SHC1: variants seen among roughly 807,000 people sequenced by gnomAD.
SHC1 encodes the protein SHC-transforming protein 1.
Under a neutral mutation model 55.9 loss-of-function variants are expected in SHC1, and 30 were observed. The ratio of observed to expected loss-of-function variants is 0.54; its 90% CI spans 0.40 to 0.73. The LOEUF is 0.73. Ranked by LOEUF, SHC1 falls within the 30% of genes least tolerant of loss-of-function variation. SHC1 has a pLI of 0.00. For synonymous variants in SHC1, 309 were observed against 306.1 expected, an observed-to-expected ratio of 1.01 and a Z score of -0.10; for missense variants, 675 against 777.1, an observed-to-expected ratio of 0.87 and a Z score of 1.56.
rs149332466 is a variant in SHC1 at position 154,965,717 on chromosome 1, G to A, written c.1452C>T (p.Leu484=). Residue 484 remains leucine (L), a synonymous_variant, in exon 11 of 12, where the codon CTC becomes CTT. Transcript: ENST00000448116. ...TCCCATGGAACCAGGGCTCCCCTCGGAGCTGCTCAGCCATGGACACCGACT... is the reference window on the plus strand; with the variant it reads ...TCCCATGGAACCAGGGCTCCCCTCGAAGCTGCTCAGCCATGGACACCGACT... ...PPQSVSMAEQ[L]RGEPWFHGKL... The A allele has an allele frequency of 7.8e-5, 126 of 1,614,156 alleles. No homozygotes were observed. In the African/African-American group the frequency reaches 1.4e-3, roughly 18 times the overall value.
upstream of SHC1, among the ~76,000 whole-genome samples, chr1:154,973,099 G>A (rs1656899458): frequency 6.6e-6 from 1 of 152,108 alleles, no homozygotes; most frequent in Non-Finnish European, 1.5e-5. Flanking sequence ...GGTTGGTCCT[G>A]GGAAGGGAAA....
intron 10 of SHC1, 31 bp from the exon 11 acceptor site, chr1:154,965,812 TAGC>T (rs1381282524): frequency 6.3e-7 from 1 of 1,591,124 alleles, no homozygotes; most frequent in Non-Finnish European, 8.6e-7. Flanking sequence ...TGAGGGGAAG[TAGC>T]AGGCACAACA....
At chr1:154,971,775 C>T (rs904144047), upstream of SHC1, among the ~76,000 whole-genome samples, 1 of 152,064 alleles carries the variant, frequency 6.6e-6, no homozygotes, top group Non-Finnish European at 1.5e-5. Context: ...GACACATCTG[C>T]GTCAATAAGG....
chr1:154,966,420 C>T lies in SHC1; in HGVS notation c.1081G>A (p.Gly361Arg), dbSNP rs762287963. The T allele has an allele frequency of 1.2e-5, 20 of 1,613,522 alleles. No homozygotes were observed. Among genetic ancestry groups the T allele is most frequent in the Non-Finnish European group, 1.6e-5 (19 of 1,179,576 alleles). The change falls in exon 8 of 12, where the codon GGG becomes AGG. Residue 361 changes from glycine to arginine, a missense_variant. By Grantham distance (125) the Gly-to-Arg change is moderately radical. Transcript: ENST00000448116. ...CGAAGCCTCATGTCTACCACCCCCC[C>T]CAAGGGGGGTTCCTTCCCCGGGAAG... is the stretch of plus-strand genomic sequence containing the variant. ...NDFPGKEPPL[G>R]GVVDMRLREG...
Position 154,963,780 on chromosome 1 carries a change from C to G in SHC1, c.*23G>C. ...GGTGGAAAGGATTGGAGGGCATCTTCTGGAAGAGAGCGCTAGGGCAGATCA... is the reference window on the plus strand; with the variant it reads ...GGTGGAAAGGATTGGAGGGCATCTTGTGGAAGAGAGCGCTAGGGCAGATCA... On this transcript the variant is annotated 3_prime_UTR_variant, in exon 12 of 12. Transcript: ENST00000448116. 1 of 1,612,290 alleles carries G rather than the reference C, an allele frequency of 6.2e-7. No homozygotes were observed. Among genetic ancestry groups the G allele is most frequent in the Non-Finnish European group, 8.5e-7 (1 of 1,179,364 alleles).
upstream of SHC1, among the ~76,000 whole-genome samples, chr1:154,972,640 A>G (rs1656853600): frequency 6.6e-6 from 1 of 152,238 alleles, no homozygotes; most frequent in South Asian, 2.1e-4. Context: ...CGTTCGGAAG[A>G]AAAGAAAGAC....
rs766630609 is a variant in SHC1 at position 154,969,462 on chromosome 1, G to A, written c.496-14C>T. 1.3e-6 allele frequency: 2 copies of A among 1,597,506 alleles called. No homozygotes were observed. The highest frequency in any genetic ancestry group is 2.2e-5 in the East Asian group (1 of 44,638). ...ACAACCCATGTACTAAGGGGAGGGA[G>A]AAGAGGACAGCAGGTCAGCGGCTCC... On this transcript the variant is annotated splice_polypyrimidine_tract_variant and intron_variant, in intron 1 of 11. Transcript: ENST00000448116.
chr1:154,968,534 G>A lies in SHC1; in HGVS notation c.711C>T (p.Ser237=). 1 of 1,614,136 alleles carries A rather than the reference G, an allele frequency of 6.2e-7. No homozygotes were observed. The highest frequency in any genetic ancestry group is 8.5e-7 in the Non-Finnish European group (1 of 1,180,014). The part of the protein sequence containing the change: ...FAGMPITLTV[S]TSSLNLMAAD... Reference sequence around the variant, plus strand: ...CGGCCATGAGGTTGAGGCTGCTGGTGGAGACGGTGAGAGTGATTGGCATTC... The same window carrying A: ...CGGCCATGAGGTTGAGGCTGCTGGTAGAGACGGTGAGAGTGATTGGCATTC... The change falls in exon 4 of 12, where the codon TCC becomes TCT. Residue 237 remains serine, a synonymous_variant. Coordinates refer to ENST00000448116, the MANE Select transcript of SHC1 (RefSeq NM_001130040.2).
Position 154,963,926 on chromosome 1 carries a change from C to G in SHC1, c.1632G>C (p.Arg544=), listed in dbSNP as rs752243664. ...LLLVDPEGVV[R]TKDHRFESVS... ...CACTTTCAAAGCGGTGATCCTTAGT[C>G]CGAACCTGGGAGGGTGGGAAGGAAG... Residue 544 remains arginine, a synonymous_variant, in exon 12 of 12, where the codon CGG becomes CGC. Transcript: ENST00000448116. 6.2e-7 allele frequency: 1 copy of G among 1,614,026 alleles called. No homozygotes were observed. Among genetic ancestry groups the G allele is most frequent in the Non-Finnish European group, 8.5e-7 (1 of 1,179,986 alleles).
upstream of SHC1, among the ~76,000 whole-genome samples, chr1:154,973,091 T>A (rs1047090519): frequency 4.6e-5 from 7 of 152,022 alleles, no homozygotes; most frequent in African/African-American, 1.7e-4. Flanking sequence ...TGGGATGAGG[T>A]TGGTCCTGGG....
In SHC1 at chr1:154,968,278, T is replaced by A. The variant is rs1384012883; in HGVS notation, c.751-21A>T. The A allele has an allele frequency of 2.5e-6, 4 of 1,613,546 alleles. No individual in the cohort carries two copies. The African/African-American group carries it at 4.0e-5, about 16-fold the overall frequency. ...ATGATCTGAGAATTAGGGCAGGGGA[T>A]GAAGAAGGAAGGGAATGCCATGTGT... On this transcript the variant is annotated intron_variant, in intron 4 of 11. Transcript: ENST00000448116.
intron 7 of SHC1, among the ~76,000 whole-genome samples, chr1:154,967,286 T>C (rs1571436408): frequency 6.6e-6 from 1 of 152,078 alleles, no homozygotes; most frequent in Non-Finnish European, 1.5e-5. Flanking sequence ...GTGGGAAAGG[T>C]TGTAATCTCA....
chr1:154,973,803 G>A (rs187580469), upstream of SHC1, among the ~76,000 whole-genome samples: 128 of 152,318 alleles, frequency 8.4e-4, no homozygotes, highest in South Asian at 2.3e-3. Flanking sequence ...TCTGGGCGGG[G>A]AGGCTTTCTG....
At chr1:154,968,162 C>T (rs748359392) in intron 5 of SHC1, 42 bp downstream of exon 5, 1 of 1,605,002 alleles carries the variant, frequency 6.2e-7, no homozygotes, top group Admixed American at 1.7e-5. Context: ...TCCCTAGCCC[C>T]TTGCTCTTCT....
chr1:154,968,055 T>A, intron 5 of SHC1, 24 bp from the exon 6 acceptor site: 2 of 1,613,830 alleles, frequency 1.2e-6, no homozygotes, highest in Non-Finnish European at 1.7e-6. Flanking sequence ...TCAAAAAATT[T>A]TACAGTTCTA....
intron 11 of SHC1, 37 bp from the exon 12 acceptor site, chr1:154,963,968 A>T (rs1457601401): frequency 6.2e-7 from 1 of 1,612,466 alleles, no homozygotes; most frequent in Non-Finnish European, 8.5e-7. Context: ...AATTCAGGTG[A>T]AGAGTCAAAT....
rs8191979 is a variant in SHC1, at chr1:154,966,186, T to A, written c.1228A>T (p.Met410Leu). ...CCTGGACAGGGTGGTGGAGGTGGCA[T>A]CTGTTTGCGGACTTCTGGATCTCCC... Reference protein sequence around the residue: ...VGGDPEVRKQMPPPPPCPAGR... With the variant: ...VGGDPEVRKQLPPPPPCPAGR... Residue 410 changes from methionine (M) to leucine (L), a missense_variant, in exon 9 of 12, where the codon ATG becomes TTG. This residue lies in a region of SHC1 where 360 missense variants were observed against 371.1 expected (regional missense o/e 0.97). Coordinates refer to ENST00000448116, the MANE Select transcript of SHC1 (RefSeq NM_001130040.2). 2.5e-6 allele frequency: 4 copies of A among 1,613,974 alleles called. No individual in the cohort carries two copies. The highest frequency in any genetic ancestry group is 3.4e-6 in the Non-Finnish European group (4 of 1,180,000).
At chr1:154,964,156 C>A in intron 11 of SHC1, 1 of 684,722 alleles carries the variant, frequency 1.5e-6, no homozygotes, top group East Asian at 2.9e-5. Flanking sequence ...CGACATCAGC[C>A]CTGAAAGAGT....
intron 1 of SHC1, 132 bp from the exon 2 acceptor site, chr1:154,969,580 G>A: frequency 1.5e-6 from 1 of 652,542 alleles, no homozygotes; most frequent in Non-Finnish European, 2.8e-6. Context: ...ACTTCCCGTG[G>A]CTACATCCCA....
Sources: gnomAD v4.1 joint callset for allele counts (sites outside exome capture counted in the v4.1 genomes callset) on GRCh38, gnomAD v4.1.1 for gene constraint, gnomAD v4.1.1 regional missense constraint, MANE v1.5 for transcripts, NCBI Gene and HGNC (gene_info 2026-07-23, HGNC 2026-07-21) for gene names.